The following ZFYVE28 variants were observed in gnomAD, a reference collection of about 807,000 sequenced individuals.
ZFYVE28 encodes the protein zinc finger FYVE-type containing 28.
ZFYVE28 carries 40 observed loss-of-function variants against 82.1 expected under a neutral mutation model. That is an observed-to-expected ratio of 0.49 (90% confidence interval 0.38 to 0.63). ZFYVE28 has a LOEUF of 0.63. Ranked by LOEUF, ZFYVE28 falls within the 30% of genes least tolerant of loss-of-function variation. ZFYVE28 has a pLI of 0.00. For synonymous variants in ZFYVE28, 612 were observed against 546.1 expected, an observed-to-expected ratio of 1.12 and a Z score of -1.68; for missense variants, 1,321 against 1,242.1, an observed-to-expected ratio of 1.06 and a Z score of -0.96.
chr4:2,394,725 C>CAGCTGCATCGATGCCT lies in ZFYVE28; in HGVS notation c.39+23544_39+23559dup, dbSNP rs1198770353. On this transcript the variant is annotated intron_variant, in intron 1 of 12. Coordinates refer to ENST00000290974, the MANE Select transcript of ZFYVE28 (RefSeq NM_020972.3). This position sits in a 1 kb window ranked among gnomAD's most constrained non-coding sequence, Gnocchi z 4.0. The stretch of plus-strand genomic sequence containing the variant: ...TCCTGTGAACAGGCACCACTCTGCG[C>CAGCTGCATCGATGCCT]AGCTGCATCGATGCCTGACTGCACG... 6.6e-6 allele frequency among the ~76,000 whole-genome samples: 1 copy of CAGCTGCATCGATGCCT among 152,262 alleles called. No individual in the cohort carries two copies. Among genetic ancestry groups the CAGCTGCATCGATGCCT allele is most frequent in the Non-Finnish European group, 1.5e-5 (1 of 68,046 alleles).
chr4:2,379,478 G>T (rs1462873691), intron 1 of ZFYVE28, among the ~76,000 whole-genome samples: 2 of 152,212 alleles, frequency 1.3e-5, no homozygotes, highest in Admixed American at 1.3e-4. Context: ...TAGAGGCTCA[G>T]ATTGTCAGCA....
At chr4:2,375,390 C>G (rs1370664880) in intron 1 of ZFYVE28, among the ~76,000 whole-genome samples, 1 of 152,200 alleles carries the variant, frequency 6.6e-6, no homozygotes, top group East Asian at 1.9e-4. Flanking sequence ...CCGGTACCTC[C>G]CCAAGGGTTC....
chr4:2,333,644 G>C (rs1721090122), intron 6 of ZFYVE28, among the ~76,000 whole-genome samples: 1 of 152,104 alleles, frequency 6.6e-6, no homozygotes, highest in South Asian at 2.1e-4. Flanking sequence ...TGGGCGGGTG[G>C]CTTGGTGCCA....
chr4:2,311,760 T>A (rs1717500177), intron 7 of ZFYVE28, among the ~76,000 whole-genome samples: 1 of 152,166 alleles, frequency 6.6e-6, no homozygotes, highest in Non-Finnish European at 1.5e-5. Flanking sequence ...AAACACTGCT[T>A]AGGCCTCATC....
intron 1 of ZFYVE28, among the ~76,000 whole-genome samples, chr4:2,370,477 G>A (rs1165107037): frequency 6.6e-6 from 1 of 152,134 alleles, no homozygotes; most frequent in African/African-American, 2.4e-5. Flanking sequence ...AGTGCCCCCA[G>A]TGCCTCTAAG....
intron 6 of ZFYVE28, among the ~76,000 whole-genome samples, chr4:2,327,024 G>C (rs1719935363): frequency 6.6e-6 from 1 of 151,778 alleles, no homozygotes; most frequent in East Asian, 1.9e-4. Flanking sequence ...GGCCGAGGCA[G>C]GTGGATCACC....
intron 1 of ZFYVE28, among the ~76,000 whole-genome samples, chr4:2,374,545 T>G (rs1310601095): frequency 2.0e-5 from 3 of 152,034 alleles, no homozygotes; most frequent in African/African-American, 7.2e-5. Flanking sequence ...CCCAGGCAGG[T>G]TGAGGCTGCA....
chr4:2,384,227 C>G (rs1008230656), intron 1 of ZFYVE28, among the ~76,000 whole-genome samples: 3 of 152,154 alleles, frequency 2.0e-5, no homozygotes, highest in African/African-American at 7.2e-5. Context: ...GCTGAGGAAC[C>G]GAGACTGCAC....
intron 1 of ZFYVE28, among the ~76,000 whole-genome samples, chr4:2,355,430 C>T (rs943081459): frequency 3.4e-5 from 5 of 147,408 alleles, no homozygotes; most frequent in African/African-American, 7.5e-5. Flanking sequence ...TATAGGCATC[C>T]ATCACCACGC....
At chr4:2,382,408 G>A (rs1248514931) in intron 1 of ZFYVE28, among the ~76,000 whole-genome samples, 1 of 152,214 alleles carries the variant, frequency 6.6e-6, no homozygotes, top group South Asian at 2.1e-4. Flanking sequence ...AAGTCACAGG[G>A]GTGGAGCTGC....
chr4:2,415,678 C>T (rs1578442582), intron 1 of ZFYVE28, among the ~76,000 whole-genome samples: 1 of 152,270 alleles, frequency 6.6e-6, no homozygotes, highest in East Asian at 1.9e-4. Context: ...AGAATCTTCC[C>T]AGGACTGACT....
chr4:2,333,532 C>T lies in ZFYVE28; in HGVS notation c.701+2173G>A, dbSNP rs77477303. 5.9e-3 allele frequency among the ~76,000 whole-genome samples: 894 copies of T among 152,118 alleles called. 10 individuals are homozygous for T. Among genetic ancestry groups the T allele is most frequent in the African/African-American group, 0.019 (781 of 41,484 alleles). On this transcript the variant is annotated intron_variant, in intron 6 of 12. Transcript: ENST00000290974. ...CCCGAAACACAGTATGCCTGGGGTG[C>T]GGCCTGCGGGGAGGGTCACCTGGGG...
At chr4:2,388,632 A>C (rs1404994090) in intron 1 of ZFYVE28, among the ~76,000 whole-genome samples, 1 of 152,190 alleles carries the variant, frequency 6.6e-6, no homozygotes, top group Non-Finnish European at 1.5e-5. Flanking sequence ...TTAGGAGAAC[A>C]TAAGGAGCTT....
At chr4:2,378,347 AT>A (rs1728381026) in intron 1 of ZFYVE28, among the ~76,000 whole-genome samples, 1 of 152,254 alleles carries the variant, frequency 6.6e-6, no homozygotes, top group Non-Finnish European at 1.5e-5. Flanking sequence ...TCTCAAAAAA[AT>A]AAAAAAATAT....
intron 8 of ZFYVE28, among the ~76,000 whole-genome samples, chr4:2,295,331 T>C (rs1297866292): frequency 7.8e-6 from 1 of 128,022 alleles, no homozygotes; most frequent in Non-Finnish European, 1.8e-5. Context: ...CCAGCTAAAT[T>C]TTGTATTTTT....
chr4:2,301,044 C>G (rs1488496855), intron 8 of ZFYVE28, among the ~76,000 whole-genome samples: 2 of 152,218 alleles, frequency 1.3e-5, no homozygotes, highest in Admixed American at 6.5e-5. Flanking sequence ...AGCCATGCTT[C>G]CTGACACGGG....
At chr4:2,283,721 A>G (rs1420833816) in intron 8 of ZFYVE28, among the ~76,000 whole-genome samples, 1 of 152,244 alleles carries the variant, frequency 6.6e-6, no homozygotes, top group African/African-American at 2.4e-5. Flanking sequence ...GTTAATTATC[A>G]CACACGGAAA....
At chr4:2,364,551 G>T in intron 1 of ZFYVE28, 1 of 985,554 alleles carries the variant, frequency 1.0e-6, no homozygotes, top group Non-Finnish European at 1.2e-6. Context: ...AGCCACGTGG[G>T]AAGGGAATTT....
At chr4:2,276,749 G>C (rs1039413528) in intron 8 of ZFYVE28, among the ~76,000 whole-genome samples, 3 of 152,056 alleles carry the variant, frequency 2.0e-5, no homozygotes, top group African/African-American at 7.2e-5. Context: ...ACGAGGTCCT[G>C]AGAGCCGTCA....
Sources: allele counts gnomAD v4.1 joint callset (sites outside exome capture counted in the v4.1 genomes callset), GRCh38; gene constraint gnomAD v4.1.1; non-coding constraint Gnocchi (gnomAD v3.1); transcripts MANE v1.5; gene names NCBI Gene and HGNC (gene_info 2026-07-23, HGNC 2026-07-21).